Variants in MYH13 observed in about 807,000 individuals in gnomAD.
MYH13 encodes myosin heavy chain 13, also known as myosin-13.
MYH13 carries 177 observed loss-of-function variants against 232.1 expected under a neutral mutation model. The observed-to-expected ratio is 0.76, with a 90% CI of 0.67 to 0.86. The LOEUF is 0.86. Among genes scored for constraint, MYH13 ranks in the 40% least tolerant of loss-of-function variants. MYH13 has a pLI of 0.00. For synonymous variants in MYH13, 884 were observed against 923.5 expected (o/e 0.96, Z 0.78); for missense variants, 2,246 against 2,405.9 (o/e 0.93, Z 1.39).
chr17:10,368,491 A>G (rs1321203013), intron 2 of MYH13, among the ~76,000 whole-genome samples: 1 of 152,210 alleles, frequency 6.6e-6, no homozygotes, highest in Admixed American at 6.5e-5. Context: ...ACAACCATCA[A>G]ACTTTGGTGG....
chr17:10,351,869 T>A (rs553633918), intron 11 of MYH13, among the ~76,000 whole-genome samples: 26 of 152,290 alleles, frequency 1.7e-4, no homozygotes, highest in African/African-American at 6.3e-4. Flanking sequence ...GAAACATGTT[T>A]GGACGTGTTT....
intron 16 of MYH13, 89 bp from the exon 17 acceptor site, chr17:10,340,490 C>G: frequency 2.0e-6 from 2 of 993,932 alleles, no homozygotes; most frequent in Non-Finnish European, 3.0e-6. Context: ...GCCCCGAGTT[C>G]TGGTTTCCTT....
intron 33 of MYH13, among the ~76,000 whole-genome samples, chr17:10,310,277 G>A (rs1226986677): frequency 6.6e-6 from 1 of 151,978 alleles, no homozygotes; most frequent in Non-Finnish European, 1.5e-5. Context: ...TTTTGGTAAA[G>A]ACAGGGTTTC....
Position 10,364,408 on chromosome 17 carries a change from C to T in MYH13, c.123G>A (p.Ala41=), listed in dbSNP as rs374269997. ...PFDSKKACFV[A]DNKEMYVKGM... ...CTTTCACATACATTTCCTTATTATC[C>T]GCTACAAAGCAGGCTTTCTTGGAAT... The change falls in exon 3 of 41, where the codon GCG becomes GCA. Residue 41 remains alanine (A), a synonymous_variant. Coordinates refer to ENST00000252172, the MANE Select transcript of MYH13 (RefSeq NM_003802.3). 6.2e-6 allele frequency: 10 copies of T among 1,613,768 alleles called. No individual in the cohort carries two copies. The highest frequency in any genetic ancestry group is 1.6e-4 in the Middle Eastern group (1 of 6,062).
chr17:10,346,062 A>G (rs1452241013), intron 13 of MYH13, among the ~76,000 whole-genome samples: 1 of 152,026 alleles, frequency 6.6e-6, no homozygotes, highest in East Asian at 1.9e-4. Context: ...GCAATTTCAG[A>G]TCATTCAATG....
intron 22 of MYH13, among the ~76,000 whole-genome samples, chr17:10,327,463 A>G (rs1394707996): frequency 6.6e-6 from 1 of 152,058 alleles, no homozygotes; most frequent in Admixed American, 6.5e-5. Context: ...CTTTTTACAT[A>G]TTATTGTAAA....
chr17:10,336,752 A>G, intron 18 of MYH13, among the ~76,000 whole-genome samples: 1 of 152,110 alleles, frequency 6.6e-6, no homozygotes, highest in Non-Finnish European at 1.5e-5. Context: ...AAACTTGGCA[A>G]TGCTGAACCT....
At chr17:10,360,968 A>C (rs1196414646) in intron 5 of MYH13, among the ~76,000 whole-genome samples, 1 of 152,210 alleles carries the variant, frequency 6.6e-6, no homozygotes, top group East Asian at 1.9e-4. Flanking sequence ...GACATGGGCC[A>C]GATTCTCTCT....
chr17:10,326,897 C>T (rs1347070437), intron 22 of MYH13, among the ~76,000 whole-genome samples: 1 of 147,166 alleles, frequency 6.8e-6, no homozygotes, highest in Non-Finnish European at 1.5e-5. Flanking sequence ...CTCACTGCAA[C>T]CTCGACTACC....
In MYH13 at chr17:10,309,350, G is replaced by A. The variant is rs1210321391; in HGVS notation, c.5053C>T (p.Leu1685=). 3 of 1,613,810 alleles carry A rather than the reference G, an allele frequency of 1.9e-6. No individual in the cohort carries two copies. The highest frequency in any genetic ancestry group is 2.2e-5 in the South Asian group (2 of 91,020). The part of the protein sequence containing the change: ...LAIVERRNGL[L]LEELEEMKVA... Reference sequence around the variant, plus strand: ...TTCATTTCCTCCAGCTCCTCCAGCAGGAGGCCATTCCTGCGCTCCACGATG... The same window carrying A: ...TTCATTTCCTCCAGCTCCTCCAGCAAGAGGCCATTCCTGCGCTCCACGATG... The change falls in exon 35 of 41, where the codon CTG becomes TTG. Residue 1685 remains leucine (L), a synonymous_variant. Coordinates refer to ENST00000252172, the MANE Select transcript of MYH13 (RefSeq NM_003802.3).
At position 10,306,604 on chromosome 17, in the gene MYH13, T is replaced by C. The variant is rs750760369; in HGVS notation, c.5321A>G (p.Lys1774Arg). The C allele has an allele frequency of 6.2e-7, 1 of 1,614,012 alleles. No individual in the cohort carries two copies. The highest frequency in any genetic ancestry group is 1.3e-5 in the African/African-American group (1 of 74,916). The change falls in exon 37 of 41, where the codon AAG (lysine) becomes AGG (arginine). Residue 1774 changes from lysine to arginine, a missense_variant. By Grantham distance (26) the Lys-to-Arg change is conservative. Transcript: ENST00000252172. This position sits in a 1 kb window ranked among gnomAD's most constrained non-coding sequence, Gnocchi z 4.3. Reference sequence around the variant, plus strand: ...GTGGGCGCTGGTGTCCTGTTCCTTCTTTAGCTCCTCAGCCATCATGGCAGC... The same window carrying C: ...GTGGGCGCTGGTGTCCTGTTCCTTCCTTAGCTCCTCAGCCATCATGGCAGC... ...TDAAMMAEEL[K>R]KEQDTSAHLE...
intron 22 of MYH13, among the ~76,000 whole-genome samples, chr17:10,325,934 C>T (rs1340990844): frequency 6.6e-6 from 1 of 152,086 alleles, no homozygotes; most frequent in African/African-American, 2.4e-5. Context: ...CTCGGCCTCC[C>T]AAAGTGCTGG....
intron 21 of MYH13, among the ~76,000 whole-genome samples, chr17:10,328,678 GTTTTT>G (rs34649785): frequency 7.8e-6 from 1 of 128,058 alleles, no homozygotes. Flanking sequence ...TTTTCTATTC[GTTTTT>G]TTTTTTTTTT....
At chr17:10,330,991 T>G (rs925502395) in intron 20 of MYH13, among the ~76,000 whole-genome samples, 1 of 152,054 alleles carries the variant, frequency 6.6e-6, no homozygotes, top group African/African-American at 2.4e-5. Flanking sequence ...CACTCCAGCC[T>G]GGGTGACAGA....
In MYH13 at chr17:10,304,743, AAAGT is replaced by A. The variant is rs1454510337; in HGVS notation, c.5467-1249_5467-1246del. 1.3e-5 allele frequency among the ~76,000 whole-genome samples: 2 copies of A among 152,196 alleles called. No homozygotes were observed. Among genetic ancestry groups the A allele is most frequent in the African/African-American group, 4.8e-5 (2 of 41,448 alleles). ...CTACCTCAAATGTGGAGATCAAATG[AAAGT>A]ATGTGAAAGTATTGTTAGAATGACA... On this transcript the variant is annotated intron_variant, in intron 37 of 40. Coordinates refer to ENST00000252172, the MANE Select transcript of MYH13 (RefSeq NM_003802.3). The surrounding 1 kb of genome is among the most constrained non-coding windows in gnomAD (Gnocchi z 5.3).
At position 10,340,134 on chromosome 17, in the gene MYH13, A is replaced by G. The variant is rs371698796; in HGVS notation, c.2056+16T>C. ...CTGTTCTGTTCAAATACTTGGCAAG[A>G]TCTGCTGGTACTCACCAGGAGTCTT... On this transcript the variant is annotated intron_variant, in intron 18 of 40. Coordinates refer to ENST00000252172, the MANE Select transcript of MYH13 (RefSeq NM_003802.3). 14 of 1,606,954 alleles carry G rather than the reference A, an allele frequency of 8.7e-6. No individual in the cohort carries two copies. The East Asian group carries it at 2.7e-4, about 31-fold the overall frequency.
intron 12 of MYH13, among the ~76,000 whole-genome samples, chr17:10,350,236 T>C (rs2142264065): frequency 6.6e-6 from 1 of 152,194 alleles, no homozygotes; most frequent in African/African-American, 2.4e-5. Context: ...GAAGAGAAGT[T>C]CACCTAACAA....
At chr17:10,339,642 C>T (rs2071605861) in intron 18 of MYH13, among the ~76,000 whole-genome samples, 1 of 152,134 alleles carries the variant, frequency 6.6e-6, no homozygotes, top group African/African-American at 2.4e-5. Context: ...TATATACATA[C>T]ACACAATATT....
intron 2 of MYH13, among the ~76,000 whole-genome samples, chr17:10,366,123 C>T (rs1457534254): frequency 6.6e-6 from 1 of 152,016 alleles, no homozygotes; most frequent in African/African-American, 2.4e-5. Context: ...GAGAAGCCAG[C>T]CTCACTCCTG....
Sources: allele counts gnomAD v4.1 joint callset (sites outside exome capture counted in the v4.1 genomes callset), GRCh38; gene constraint gnomAD v4.1.1; non-coding constraint Gnocchi (gnomAD v3.1); transcripts MANE v1.5; gene names NCBI Gene and HGNC (gene_info 2026-07-23, HGNC 2026-07-21).